The following LRCH2 variants were observed in gnomAD, a reference collection of about 807,000 sequenced individuals.
LRCH2 encodes leucine rich repeats and calponin homology domain containing 2, also known as leucine-rich repeat and calponin homology domain-containing protein 2.
LRCH2 carries 38 observed loss-of-function variants against 68.9 expected under a neutral mutation model. The ratio of observed to expected loss-of-function variants is 0.55; its 90% CI spans 0.43 to 0.72. The LOEUF (loss-of-function observed/expected upper bound fraction) is 0.72. Ranked by LOEUF, LRCH2 falls within the 30% of genes least tolerant of loss-of-function variation. The probability of loss-of-function intolerance (pLI) is 0.00; values close to 1 mark genes in which losing one functional copy is unlikely to be tolerated. For missense variants in LRCH2, 528 were observed against 572.9 expected, an observed-to-expected ratio of 0.92 and a Z score of 0.80; for synonymous variants, 191 against 208.1, an observed-to-expected ratio of 0.92 and a Z score of 0.71.
Position 115,131,123 on chromosome X carries a change from T to G in LRCH2, c.1696-924A>C, listed in dbSNP as rs1221141397. On this transcript the variant is annotated intron_variant, in intron 14 of 20. Transcript: ENST00000317135. ...AGTTATATTTGTGGTCAATTTTTTT[T>G]ATTATATTTTAAGTTCTAGGGTACT... is the stretch of plus-strand genomic sequence containing the variant. Among the ~76,000 whole-genome samples, 3 of 111,247 alleles carry G rather than the reference T, an allele frequency of 2.7e-5. No homozygotes were observed. In the East Asian group the frequency reaches 8.5e-4, roughly 31 times the overall value.
chrX:115,226,832 A>G (rs2073122074), intron 1 of LRCH2, among the ~76,000 whole-genome samples: 1 of 111,236 alleles, frequency 9.0e-6, no homozygotes, highest in Non-Finnish European at 1.9e-5. Flanking sequence ...TCCTCCATCT[A>G]AGAATAACTA....
chrX:115,127,557 T>C (rs1172155435), intron 15 of LRCH2, among the ~76,000 whole-genome samples: 3 of 111,069 alleles, frequency 2.7e-5, no homozygotes, highest in Non-Finnish European at 3.8e-5. Context: ...AGGACAGAAA[T>C]AGATTAATGT....
At chrX:115,140,126 A>T (rs2072323870) in intron 14 of LRCH2, among the ~76,000 whole-genome samples, 1 of 111,317 alleles carries the variant, frequency 9.0e-6, no homozygotes, top group Non-Finnish European at 1.9e-5. Context: ...CAGGACAGGG[A>T]AGACTGAGGA....
intron 14 of LRCH2, among the ~76,000 whole-genome samples, chrX:115,135,549 T>A (rs1228192631): frequency 8.9e-6 from 1 of 112,017 alleles, no homozygotes; most frequent in Non-Finnish European, 1.9e-5. Flanking sequence ...TAGAATTTAC[T>A]CCTGGTGAAG....
intron 1 of LRCH2, chrX:115,189,945 G>A (rs12848233): frequency 5.5e-5 from 64 of 1,158,994 alleles, no homozygotes; most frequent in Admixed American, 4.9e-4. Flanking sequence ...CCACGCCGTC[G>A]AGCCTGGCTC....
intron 5 of LRCH2, 82 bp downstream of exon 5, chrX:115,179,345 G>A (rs1438489601): frequency 6.2e-6 from 5 of 807,337 alleles, no homozygotes; most frequent in Non-Finnish European, 8.1e-6. Context: ...CTTGATTTAG[G>A]TGCTTTTTGA....
intron 1 of LRCH2, chrX:115,191,400 C>G (rs2072816722): frequency 8.6e-7 from 1 of 1,156,517 alleles, no homozygotes; most frequent in Admixed American, 2.7e-5. Context: ...ACAGTGGGGG[C>G]CACGACAGTT....
intron 15 of LRCH2, among the ~76,000 whole-genome samples, chrX:115,129,835 T>C (rs1245069435): frequency 9.0e-6 from 1 of 110,912 alleles, no homozygotes; most frequent in African/African-American, 3.3e-5. Context: ...CTAAAAAAAA[T>C]CTCAATTGAC....
At chrX:115,181,635 T>C (rs2072692282) in intron 3 of LRCH2, among the ~76,000 whole-genome samples, 1 of 112,147 alleles carries the variant, frequency 8.9e-6, no homozygotes, top group Non-Finnish European at 1.9e-5. Flanking sequence ...TGTGGAAAAG[T>C]ATCAAGAGAA....
intron 1 of LRCH2, among the ~76,000 whole-genome samples, chrX:115,212,624 T>G: frequency 9.1e-6 from 1 of 109,498 alleles, no homozygotes; most frequent in Admixed American, 9.8e-5. Context: ...CTCAGCCTCC[T>G]AAGTAGCTGG....
At chrX:115,142,886 G>T (rs1477893100) in intron 14 of LRCH2, among the ~76,000 whole-genome samples, 1 of 111,406 alleles carries the variant, frequency 9.0e-6, no homozygotes, top group Non-Finnish European at 1.9e-5. Flanking sequence ...GATCGCTTGA[G>T]CCAAGGAGCT....
chrX:115,198,228 C>T (rs1483954822), intron 1 of LRCH2, among the ~76,000 whole-genome samples: 1 of 109,894 alleles, frequency 9.1e-6, no homozygotes. Context: ...CTTAGAAAGC[C>T]TATTTAACAA....
intron 14 of LRCH2, among the ~76,000 whole-genome samples, chrX:115,136,624 A>G (rs1226422479): frequency 9.0e-6 from 1 of 111,611 alleles, no homozygotes; most frequent in Non-Finnish European, 1.9e-5. Flanking sequence ...AAAAGGGCTA[A>G]TGGGCATTCT....
intron 10 of LRCH2, among the ~76,000 whole-genome samples, chrX:115,164,938 T>G (rs1488909950): frequency 9.0e-6 from 1 of 111,086 alleles, no homozygotes. Flanking sequence ...AGCACAATTA[T>G]TTTAATAAAA....
At chrX:115,189,340 C>A (rs1185711147) in intron 1 of LRCH2, 4 of 914,288 alleles carry the variant, frequency 4.4e-6, no homozygotes, top group East Asian at 3.4e-5. Flanking sequence ...TCCACCCCCC[C>A]AACCGGTAGG....
intron 1 of LRCH2, chrX:115,192,613 T>C (rs1043420071): frequency 4.3e-6 from 5 of 1,169,695 alleles, no homozygotes; most frequent in Non-Finnish European, 2.3e-6. Context: ...AGGAGGCCGC[T>C]TCGAGAGGGG....
At chrX:115,193,441 C>A (rs1300293733) in intron 1 of LRCH2, among the ~76,000 whole-genome samples, 1 of 111,130 alleles carries the variant, frequency 9.0e-6, no homozygotes, top group Non-Finnish European at 1.9e-5. Context: ...TCAACAACAT[C>A]CTCCTGGTGA....
chrX:115,130,480 T>C (rs1303496555), intron 14 of LRCH2, among the ~76,000 whole-genome samples: 1 of 111,648 alleles, frequency 9.0e-6, no homozygotes, highest in Non-Finnish European at 1.9e-5. Flanking sequence ...ATCTGAGGGT[T>C]GTCTTAGAAT....
chrX:115,195,535 TA>T (rs1556562890), intron 1 of LRCH2, among the ~76,000 whole-genome samples: 1 of 110,009 alleles, frequency 9.1e-6, no homozygotes, highest in African/African-American at 3.3e-5. Flanking sequence ...GATAGCTGAC[TA>T]AAAACATTTC....
Sources: allele counts gnomAD v4.1 joint callset (sites outside exome capture counted in the v4.1 genomes callset), GRCh38; gene constraint gnomAD v4.1.1; transcripts MANE v1.5; gene names NCBI Gene and HGNC (gene_info 2026-07-23, HGNC 2026-07-21).